KLHL26: variants seen among roughly 807,000 people sequenced by gnomAD.
The protein encoded by KLHL26 is kelch-like protein 26.
In KLHL26, 4 loss-of-function variants were observed where a neutral mutation model predicts 7.1. That is an observed-to-expected ratio of 0.56 (90% CI 0.28 to 1.28). The LOEUF (loss-of-function observed/expected upper bound fraction) is 1.28. KLHL26 is among the 50% of genes most tolerant of loss of function. The probability of loss-of-function intolerance (pLI) is 0.11; values close to 1 mark genes in which losing one functional copy is unlikely to be tolerated. For missense variants in KLHL26, 896 were observed against 924.6 expected (o/e 0.97, Z 0.40); for synonymous variants, 465 against 414.1 (o/e 1.12, Z -1.49).
At chr19:18,638,917 C>G (rs12974161) in intron 1 of KLHL26, among the ~76,000 whole-genome samples, 56,191 of 151,508 alleles carry the variant, frequency 0.37, 10,946 homozygotes, top group East Asian at 0.51. Flanking sequence ...CCAGGCTGGT[C>G]TCAAACTCTT....
At chr19:18,655,065 C>T (rs2052316025) in intron 1 of KLHL26, among the ~76,000 whole-genome samples, 1 of 152,142 alleles carries the variant, frequency 6.6e-6, no homozygotes, top group Non-Finnish European at 1.5e-5. Context: ...GCAGGGAAGA[C>T]AAAAATGGCC....
intron 1 of KLHL26, among the ~76,000 whole-genome samples, chr19:18,647,853 C>A (rs1976833251): frequency 6.6e-6 from 1 of 152,202 alleles, no homozygotes; most frequent in Admixed American, 6.5e-5. Context: ...ATTTGTTAGA[C>A]ACATTTCTCT....
chr19:18,654,853 C>T (rs12974777), intron 1 of KLHL26, among the ~76,000 whole-genome samples: 70,286 of 152,066 alleles, frequency 0.46, 17,072 homozygotes, highest in African/African-American at 0.61. Flanking sequence ...TTTACCCATC[C>T]ATCTACCTGT....
chr19:18,657,551 T>C (rs1471707166), intron 1 of KLHL26, among the ~76,000 whole-genome samples: 1 of 152,076 alleles, frequency 6.6e-6, no homozygotes, highest in Non-Finnish European at 1.5e-5. Flanking sequence ...TGTGTCTCTG[T>C]CCCTCTGTTT....
rs574799218 is a variant in KLHL26, at chr19:18,650,523, G to T, written c.83+13386G>T. Among the ~76,000 whole-genome samples the T allele has an allele frequency of 1.3e-5, 2 of 152,308 alleles. No homozygotes were observed. The highest frequency in any genetic ancestry group is 4.1e-4 in the South Asian group (2 of 4,828). Reference sequence around the variant, plus strand: ...GTCCTGTCCCAGGAGGGCTGCGCTAGGTCTCTCCTCTGGCTCCCCCTCCTC... The same window carrying T: ...GTCCTGTCCCAGGAGGGCTGCGCTATGTCTCTCCTCTGGCTCCCCCTCCTC... On this transcript the variant is annotated intron_variant, in intron 1 of 2. Coordinates refer to ENST00000300976, the MANE Select transcript of KLHL26 (RefSeq NM_018316.3). This position sits in a 1 kb window ranked among gnomAD's most constrained non-coding sequence, Gnocchi z 4.2.
rs1313556801 is a variant in KLHL26 at position 18,650,669 on chromosome 19, C to T, written c.83+13532C>T. Among the ~76,000 whole-genome samples, 5 of 152,180 alleles carry T rather than the reference C, an allele frequency of 3.3e-5. No individual in the cohort carries two copies. The highest frequency in any genetic ancestry group is 2.1e-4 in the South Asian group (1 of 4,830). ...TTTTCCTCGCCAAGGCTGATGGCAC[C>T]GGGCCCCTTTGCCGTTCCAGCCTCA... is the stretch of plus-strand genomic sequence containing the variant. On this transcript the variant is annotated intron_variant, in intron 1 of 2. Transcript: ENST00000300976. This position sits in a 1 kb window ranked among gnomAD's most constrained non-coding sequence, Gnocchi z 4.2.
intron 1 of KLHL26, among the ~76,000 whole-genome samples, chr19:18,661,533 C>A (rs1376614987): frequency 6.6e-6 from 1 of 152,156 alleles, no homozygotes; most frequent in African/African-American, 2.4e-5. Flanking sequence ...CTCCTGCAGC[C>A]TTGACGTCAT....
At chr19:18,657,059 G>C (rs936090442) in intron 1 of KLHL26, among the ~76,000 whole-genome samples, 1 of 150,870 alleles carries the variant, frequency 6.6e-6, no homozygotes, top group Non-Finnish European at 1.5e-5. Flanking sequence ...CTGTCCCTCT[G>C]TCTCTGGGTC....
intron 1 of KLHL26, among the ~76,000 whole-genome samples, chr19:18,652,471 T>A (rs993921675): frequency 6.6e-6 from 1 of 151,470 alleles, no homozygotes; most frequent in African/African-American, 2.4e-5. Context: ...GCGCCTATAG[T>A]CCCAGCTACT....
Position 18,656,251 on chromosome 19 carries a change from C to A in KLHL26, c.84-8010C>A, listed in dbSNP as rs2052331854. ...AGCTCTGTGGGCTTCACCTCTCAAC[C>A]TGCTGAGCCTGAGAGCAGGGAGTGT... On this transcript the variant is annotated intron_variant, in intron 1 of 2. Transcript: ENST00000300976. This position sits in a 1 kb window ranked among gnomAD's most constrained non-coding sequence, Gnocchi z 4.4. Among the ~76,000 whole-genome samples the A allele has an allele frequency of 6.6e-6, 1 of 152,198 alleles. No homozygotes were observed. The highest frequency in any genetic ancestry group is 1.5e-5 in the Non-Finnish European group (1 of 68,042).
intron 1 of KLHL26, among the ~76,000 whole-genome samples, chr19:18,640,661 C>T (rs970415123): frequency 2.0e-5 from 3 of 149,360 alleles, no homozygotes; most frequent in Admixed American, 6.8e-5. Flanking sequence ...GCTTCAGCCT[C>T]CTGAGTAGCT....
rs1000052547 is a variant in KLHL26, at chr19:18,656,620, G to A, written c.84-7641G>A. ...GAAGGCCAGGGCCTCCTTCGCAGGG[G>A]TCAGAGGGCATCCATGCAGGACGCT... is the stretch of plus-strand genomic sequence containing the variant. On this transcript the variant is annotated intron_variant, in intron 1 of 2. Transcript: ENST00000300976. This position sits in a 1 kb window ranked among gnomAD's most constrained non-coding sequence, Gnocchi z 4.4. 6.6e-6 allele frequency among the ~76,000 whole-genome samples: 1 copy of A among 152,088 alleles called. No homozygotes were observed. The highest frequency in any genetic ancestry group is 1.5e-5 in the Non-Finnish European group (1 of 68,016).
chr19:18,665,142 C>T (rs572881347), intron 2 of KLHL26, among the ~76,000 whole-genome samples: 7 of 151,994 alleles, frequency 4.6e-5, no homozygotes, highest in East Asian at 3.9e-4. Flanking sequence ...TTGCAACCTC[C>T]GCCTCCCGGG....
chr19:18,667,492 C>G (rs1425409806), intron 2 of KLHL26, 172 bp from the exon 3 acceptor site: 2 of 1,194,122 alleles, frequency 1.7e-6, no homozygotes, highest in African/African-American at 3.1e-5. Flanking sequence ...GCATGAGCCA[C>G]CGCGCCCGGC....
Position 18,648,263 on chromosome 19 carries a change from TG to T in KLHL26, c.83+11128del, listed in dbSNP as rs1488128486. ...CGGGTGCTTGTAGTCCCAGCTGCTCTGGAGGCTGAGGCACGAGAGTCGATTG... is the reference window on the plus strand; with the variant it reads ...CGGGTGCTTGTAGTCCCAGCTGCTCTGAGGCTGAGGCACGAGAGTCGATTG... On this transcript the variant is annotated intron_variant, in intron 1 of 2. Transcript: ENST00000300976. This position sits in a 1 kb window ranked among gnomAD's most constrained non-coding sequence, Gnocchi z 4.9. Among the ~76,000 whole-genome samples the T allele has an allele frequency of 6.6e-6, 1 of 152,114 alleles. No homozygotes were observed. Among genetic ancestry groups the T allele is most frequent in the East Asian group, 1.9e-4 (1 of 5,170 alleles).
intron 1 of KLHL26, among the ~76,000 whole-genome samples, chr19:18,652,964 A>G (rs549686580): frequency 2.5e-4 from 38 of 152,286 alleles, no homozygotes; most frequent in African/African-American, 9.1e-4. Flanking sequence ...GCCACACAGT[A>G]AACAAGAGGC....
intron 1 of KLHL26, among the ~76,000 whole-genome samples, chr19:18,642,187 C>T (rs1976723739): frequency 1.3e-5 from 2 of 152,096 alleles, no homozygotes; most frequent in African/African-American, 4.8e-5. Flanking sequence ...AATGGGACAG[C>T]CAGGCCTGGA....
chr19:18,660,261 G>C (rs2145400958), intron 1 of KLHL26, among the ~76,000 whole-genome samples: 1 of 152,340 alleles, frequency 6.6e-6, no homozygotes, highest in Non-Finnish European at 1.5e-5. Context: ...ATTGCTGGGG[G>C]GATACAGCGG....
chr19:18,657,964 AGTGCT>A (rs1287469252), intron 1 of KLHL26, among the ~76,000 whole-genome samples: 1 of 152,114 alleles, frequency 6.6e-6, no homozygotes, highest in Non-Finnish European at 1.5e-5. Context: ...AGCAGTTCCC[AGTGCT>A]GTGAAACATT....
Sources: allele counts gnomAD v4.1 joint callset (sites outside exome capture counted in the v4.1 genomes callset), GRCh38; gene constraint gnomAD v4.1.1; non-coding constraint Gnocchi (gnomAD v3.1); transcripts MANE v1.5; gene names NCBI Gene and HGNC (gene_info 2026-07-23, HGNC 2026-07-21).